CCDC148: variants seen among roughly 807,000 people sequenced by gnomAD.
CCDC148 encodes the protein coiled-coil domain containing 148.
CCDC148 carries 89 observed loss-of-function variants against 85.7 expected under a neutral mutation model. That is an observed-to-expected ratio of 1.04 (90% CI 0.87 to 1.24). The LOEUF (loss-of-function observed/expected upper bound fraction) is 1.24. Ranked by LOEUF, CCDC148 falls within the 50% of genes most tolerant of loss-of-function variation. CCDC148 has a pLI of 0.00. For missense variants in CCDC148, 692 were observed against 671.7 expected (o/e 1.03, Z -0.33); for synonymous variants, 230 against 213.9 (o/e 1.08, Z -0.66).
intron 9 of CCDC148, among the ~76,000 whole-genome samples, chr2:158,277,833 T>G (rs1690031607): frequency 6.6e-6 from 1 of 152,192 alleles, no homozygotes; most frequent in African/African-American, 2.4e-5. Flanking sequence ...CCTGACCTTG[T>G]GATCCGCCCA....
intron 11 of CCDC148, among the ~76,000 whole-genome samples, chr2:158,179,759 T>G (rs1684796656): frequency 6.6e-6 from 1 of 152,200 alleles, no homozygotes; most frequent in South Asian, 2.1e-4. Context: ...GAACTTAAAC[T>G]TTACATATAT....
rs534872491 is a variant in CCDC148, at chr2:158,437,429, G to A, written c.25+18986C>T. ...AAGGCCTTTGACAAAATTCAACAGC[G>A]CTTCATGCTGAAAACTCTTAATAAA... On this transcript the variant is annotated intron_variant, in intron 1 of 13. Coordinates refer to ENST00000283233, the MANE Select transcript of CCDC148 (RefSeq NM_138803.4). Among the ~76,000 whole-genome samples, 13 of 152,120 alleles carry A rather than the reference G, an allele frequency of 8.5e-5. No individual in the cohort carries two copies. In the South Asian group the frequency reaches 1.7e-3, roughly 19 times the overall value.
intron 1 of CCDC148, chr2:158,366,111 T>G: frequency 7.4e-7 from 1 of 1,358,864 alleles, no homozygotes; most frequent in Non-Finnish European, 1.0e-6. Context: ...AATTTCATAA[T>G]ATTATTTTAT....
At chr2:158,337,887 G>T (rs1682470217) in intron 7 of CCDC148, among the ~76,000 whole-genome samples, 1 of 152,154 alleles carries the variant, frequency 6.6e-6, no homozygotes, top group African/African-American at 2.4e-5. Flanking sequence ...CAATTCATAA[G>T]AAATATAAAT....
intron 11 of CCDC148, among the ~76,000 whole-genome samples, chr2:158,214,415 T>C (rs80185144): frequency 0.072 from 10,897 of 152,096 alleles, 576 homozygotes; most frequent in African/African-American, 0.15. Flanking sequence ...AAAAACACAA[T>C]ATTTCAAACT....
intron 2 of CCDC148, among the ~76,000 whole-genome samples, chr2:158,350,259 G>A (rs1683194332): frequency 6.6e-6 from 1 of 152,106 alleles, no homozygotes; most frequent in Admixed American, 6.6e-5. Context: ...CTTTCATAAT[G>A]AGTCTATCAC....
At chr2:158,334,632 A>G (rs188707670) in intron 7 of CCDC148, among the ~76,000 whole-genome samples, 41 of 152,084 alleles carry the variant, frequency 2.7e-4, no homozygotes, top group African/African-American at 8.9e-4. Flanking sequence ...TTATCTTCCA[A>G]TTGCCTATTA....
chr2:158,311,903 G>T (rs906231623), intron 8 of CCDC148, among the ~76,000 whole-genome samples: 2 of 152,120 alleles, frequency 1.3e-5, no homozygotes, highest in African/African-American at 2.4e-5. Context: ...ATGGGAATTA[G>T]CAGTCTTGAG....
chr2:158,437,324 TACGCAA>T (rs1367427698), intron 1 of CCDC148, among the ~76,000 whole-genome samples: 1 of 152,190 alleles, frequency 6.6e-6, no homozygotes, highest in Non-Finnish European at 1.5e-5. Context: ...TGGTTCAACA[TACGCAA>T]ATCAATAAAT....
intron 1 of CCDC148, among the ~76,000 whole-genome samples, chr2:158,449,548 A>G (rs148595925): frequency 9.2e-4 from 140 of 152,132 alleles, no homozygotes; most frequent in Non-Finnish European, 1.7e-3. Context: ...CCTGGGTTCA[A>G]GCAATTCTCC....
At chr2:158,301,625 C>A (rs545803520) in intron 9 of CCDC148, among the ~76,000 whole-genome samples, 2 of 152,130 alleles carry the variant, frequency 1.3e-5, no homozygotes, top group East Asian at 1.9e-4. Context: ...AAGGCTCCAG[C>A]GTTTTAAAGT....
chr2:158,353,251 TA>T (rs1483059132), intron 2 of CCDC148, among the ~76,000 whole-genome samples: 1 of 97,660 alleles, frequency 1.0e-5, no homozygotes, highest in African/African-American at 4.2e-5. Flanking sequence ...GTAAATGGAC[TA>T]AATTCTCCAA....
At chr2:158,438,292 A>G (rs529092956) in intron 1 of CCDC148, among the ~76,000 whole-genome samples, 4 of 152,324 alleles carry the variant, frequency 2.6e-5, no homozygotes, top group Admixed American at 2.6e-4. Flanking sequence ...GACCAATGGA[A>G]CAGAACAGAG....
chr2:158,452,579 T>A (rs1473231276), intron 1 of CCDC148, among the ~76,000 whole-genome samples: 1 of 152,122 alleles, frequency 6.6e-6, no homozygotes, highest in African/African-American at 2.4e-5. Context: ...CCAGAAAACA[T>A]CAGGACCAAG....
chr2:158,433,261 A>AATATATATATATATACATATATATATAT (rs1553521612), intron 1 of CCDC148, among the ~76,000 whole-genome samples: 1 of 122,552 alleles, frequency 8.2e-6, no homozygotes, highest in Non-Finnish European at 1.8e-5. Context: ...CCTTGACTCA[A>AATATATATATATATACATATATATATAT]ATATATATAT....
chr2:158,227,328 C>T (rs1475650453), intron 10 of CCDC148, among the ~76,000 whole-genome samples: 3 of 151,204 alleles, frequency 2.0e-5, no homozygotes, highest in Non-Finnish European at 2.9e-5. Context: ...AATGGAAGAA[C>T]ATTCCATGCT....
intron 1 of CCDC148, among the ~76,000 whole-genome samples, chr2:158,406,372 C>T (rs1408352262): frequency 1.3e-5 from 2 of 151,972 alleles, no homozygotes; most frequent in Non-Finnish European, 2.9e-5. Flanking sequence ...ACATGGTGCT[C>T]GCTAGGCCAC....
At chr2:158,441,674 A>G (rs1260578590) in intron 1 of CCDC148, among the ~76,000 whole-genome samples, 1 of 152,192 alleles carries the variant, frequency 6.6e-6, no homozygotes, top group African/African-American at 2.4e-5. Context: ...AGCTTCAAAT[A>G]CAGTATTTAT....
intron 13 of CCDC148, among the ~76,000 whole-genome samples, chr2:158,176,317 T>C (rs1684582214): frequency 6.6e-6 from 1 of 152,094 alleles, no homozygotes; most frequent in Non-Finnish European, 1.5e-5. Flanking sequence ...AGGTAACCTC[T>C]TGTTCTATGG....
Sources: gnomAD v4.1 joint callset for allele counts (sites outside exome capture counted in the v4.1 genomes callset) on GRCh38, gnomAD v4.1.1 for gene constraint, MANE v1.5 for transcripts, NCBI Gene and HGNC (gene_info 2026-07-23, HGNC 2026-07-21) for gene names.